The following NPAS3 variants were observed in gnomAD, a reference collection of about 807,000 sequenced individuals.
NPAS3 encodes neuronal PAS domain-containing protein 3.
Under a neutral mutation model 73.1 loss-of-function variants are expected in NPAS3, and 14 were observed. The observed-to-expected ratio is 0.19, with a 90% CI of 0.13 to 0.30. The LOEUF (loss-of-function observed/expected upper bound fraction) is 0.30. Among genes scored for constraint, NPAS3 ranks in the 10% least tolerant of loss-of-function variants. NPAS3 has a pLI of 1.00. For synonymous variants in NPAS3, 620 were observed against 541.5 expected (o/e 1.14, Z -2.01); for missense variants, 1,096 against 1,250.0 (o/e 0.88, Z 1.86).
At chr14:33,241,508 A>G (rs2048212845) in intron 3 of NPAS3, among the ~76,000 whole-genome samples, 1 of 151,972 alleles carries the variant, frequency 6.6e-6, no homozygotes, top group Admixed American at 6.6e-5. Flanking sequence ...TCTGTGACGG[A>G]ATGAAATGGA....
At chr14:33,763,619 A>G (rs190099686) in intron 7 of NPAS3, among the ~76,000 whole-genome samples, 341 of 152,358 alleles carry the variant, frequency 2.2e-3, no homozygotes, top group African/African-American at 7.8e-3. Flanking sequence ...TTGCCATCAA[A>G]CAGGAACTAC....
In NPAS3 at chr14:32,944,546, A is replaced by G. The variant is rs144479115; in HGVS notation, c.50+5180A>G. ...CATTCGGTGATGTTAGTATTTTCCCAGTAAATAGTGGCCTTTTTTCCCCCC... is the reference window on the plus strand; with the variant it reads ...CATTCGGTGATGTTAGTATTTTCCCGGTAAATAGTGGCCTTTTTTCCCCCC... On this transcript the variant is annotated intron_variant, in intron 1 of 11. Coordinates refer to ENST00000356141, the Ensembl canonical transcript of NPAS3. Among the ~76,000 whole-genome samples, 170 of 152,332 alleles carry G rather than the reference A, an allele frequency of 1.1e-3. No individual in the cohort carries two copies. The East Asian group carries it at 0.014, about 13-fold the overall frequency.
intron 4 of NPAS3, among the ~76,000 whole-genome samples, chr14:33,459,154 G>A (rs1353708058): frequency 6.6e-6 from 1 of 152,104 alleles, no homozygotes; most frequent in African/African-American, 2.4e-5. Flanking sequence ...ACGACCAGAG[G>A]TCACTCTTGT....
chr14:33,394,241 G>A (rs1185437999), intron 4 of NPAS3, among the ~76,000 whole-genome samples: 1 of 152,142 alleles, frequency 6.6e-6, no homozygotes, highest in Non-Finnish European at 1.5e-5. Context: ...AAAACCCATT[G>A]GAGGTTTGTA....
intron 3 of NPAS3, among the ~76,000 whole-genome samples, chr14:33,327,308 T>G (rs2043753788): frequency 6.6e-6 from 1 of 152,248 alleles, no homozygotes. Context: ...TGTATGTACG[T>G]GATCTTATTT....
At chr14:33,379,510 TA>T (rs2046449345) in intron 4 of NPAS3, among the ~76,000 whole-genome samples, 2 of 152,172 alleles carry the variant, frequency 1.3e-5, no homozygotes, top group Non-Finnish European at 2.9e-5. Flanking sequence ...CCCTTGGTGG[TA>T]GCAGACATCA....
At chr14:33,269,049 C>T (rs940050345) in intron 3 of NPAS3, among the ~76,000 whole-genome samples, 2 of 152,072 alleles carry the variant, frequency 1.3e-5, no homozygotes, top group East Asian at 1.9e-4. Context: ...TTTGTTTCCC[C>T]GATTTCCAGG....
At chr14:33,502,762 TTCTG>T (rs1340536273) in intron 4 of NPAS3, among the ~76,000 whole-genome samples, 2 of 151,986 alleles carry the variant, frequency 1.3e-5, no homozygotes, top group African/African-American at 4.8e-5. Flanking sequence ...TTTCCTTCTC[TTCTG>T]TCTTACAGTC....
chr14:33,593,798 C>T (rs2183274), intron 5 of NPAS3, among the ~76,000 whole-genome samples: 12,001 of 152,178 alleles, frequency 0.079, 587 homozygotes, highest in Admixed American at 0.17. Context: ...TTAAAAGGGA[C>T]ATTTGTCCCT....
intron 4 of NPAS3, among the ~76,000 whole-genome samples, chr14:33,510,549 G>C (rs2052998610): frequency 6.6e-6 from 1 of 152,040 alleles, no homozygotes; most frequent in South Asian, 2.1e-4. Flanking sequence ...GCATTATGTT[G>C]TAAGGAATTC....
At chr14:33,209,247 T>C (rs1346015530) in intron 2 of NPAS3, among the ~76,000 whole-genome samples, 3 of 152,122 alleles carry the variant, frequency 2.0e-5, no homozygotes, top group African/African-American at 7.2e-5. Flanking sequence ...CGTTACCTTA[T>C]AAGAAAGCTG....
intron 4 of NPAS3, among the ~76,000 whole-genome samples, chr14:33,471,834 G>A (rs989879635): frequency 1.1e-4 from 17 of 152,180 alleles, no homozygotes; most frequent in African/African-American, 3.9e-4. Context: ...GGCAAGCGGC[G>A]AGCGAGAGAA....
At chr14:33,412,878 C>T (rs554824328) in intron 4 of NPAS3, among the ~76,000 whole-genome samples, 7 of 152,246 alleles carry the variant, frequency 4.6e-5, no homozygotes, top group African/African-American at 1.2e-4. Context: ...ACTATATGCC[C>T]GAATCTGTGC....
chr14:32,989,470 C>G (rs974724876), intron 1 of NPAS3, among the ~76,000 whole-genome samples: 1 of 152,118 alleles, frequency 6.6e-6, no homozygotes, highest in Non-Finnish European at 1.5e-5. Flanking sequence ...CGGTGAAACC[C>G]CGTCTCTACT....
intron 3 of NPAS3, among the ~76,000 whole-genome samples, chr14:33,219,128 A>G (rs906730820): frequency 1.3e-5 from 2 of 152,224 alleles, no homozygotes; most frequent in Non-Finnish European, 2.9e-5. Context: ...TCAGCTAAAT[A>G]ACTGATGATT....
At chr14:33,691,366 A>T (rs1307749605) in intron 6 of NPAS3, among the ~76,000 whole-genome samples, 1 of 152,248 alleles carries the variant, frequency 6.6e-6, no homozygotes, top group African/African-American at 2.4e-5. Flanking sequence ...GTTTTTGGAA[A>T]ATATTAATAA....
chr14:33,774,275 A>T, intron 7 of NPAS3, 62 bp from the exon 8 acceptor site: 2 of 1,361,612 alleles, frequency 1.5e-6, no homozygotes, highest in South Asian at 1.3e-5. Flanking sequence ...TTCTCATAAG[A>T]AATGCTGTTA....
chr14:33,577,752 G>A (rs1417143453), intron 5 of NPAS3, among the ~76,000 whole-genome samples: 2 of 152,154 alleles, frequency 1.3e-5, no homozygotes, highest in East Asian at 1.9e-4. Context: ...CCTTTCAACC[G>A]ACAACAGCCC....
chr14:33,276,259 G>C (rs1270341737), intron 3 of NPAS3, among the ~76,000 whole-genome samples: 4 of 152,066 alleles, frequency 2.6e-5, no homozygotes, highest in African/African-American at 9.7e-5. Context: ...GGAGAACACG[G>C]GAGTAGTGAG....
Sources: gnomAD v4.1 joint callset for allele counts (sites outside exome capture counted in the v4.1 genomes callset) on GRCh38, gnomAD v4.1.1 for gene constraint, MANE v1.5 for transcripts, NCBI Gene and HGNC (gene_info 2026-07-23, HGNC 2026-07-21) for gene names.